The following MIA3 variants were observed in gnomAD, a reference collection of about 807,000 sequenced individuals.
MIA3 encodes the protein transport and Golgi organization protein 1 homolog.
MIA3 carries 90 observed loss-of-function variants against 192.4 expected under a neutral mutation model. The observed-to-expected ratio is 0.47, with a 90% CI of 0.39 to 0.56. The LOEUF is 0.56. MIA3 is among the 20% of genes least tolerant of loss of function. MIA3 has a pLI of 0.00. For synonymous variants in MIA3, 740 were observed against 792.8 expected (o/e 0.93, Z 1.12); for missense variants, 2,123 against 2,269.4 (o/e 0.94, Z 1.31).
At chr1:222,647,783 G>T (rs1025768052) in intron 7 of MIA3, among the ~76,000 whole-genome samples, 1 of 152,074 alleles carries the variant, frequency 6.6e-6, no homozygotes, top group Admixed American at 6.5e-5. Flanking sequence ...TGGGTGAAAT[G>T]GAGCAGAGGA....
rs1348758300 is a variant in MIA3 at position 222,666,755 on chromosome 1, T to G, written c.*1136T>G. The G allele has an allele frequency of 6.6e-6, 1 of 152,122 alleles. No individual in the cohort carries two copies. Among genetic ancestry groups the G allele is most frequent in the Non-Finnish European group, 1.5e-5 (1 of 68,034 alleles). 9.4% of individuals were successfully genotyped at this position (152,122 alleles called of 1,614,324 possible). On this transcript the variant is annotated 3_prime_UTR_variant, in exon 28 of 28. Coordinates refer to ENST00000344922, the MANE Select transcript of MIA3 (RefSeq NM_198551.4). ...ATATTAATTAATATTTAAACGTTGG[T>G]GTTTTTATTTAAAAATCAGTAACTA...
At chr1:222,627,083 A>G (rs1207373999) in intron 3 of MIA3, among the ~76,000 whole-genome samples, 2 of 152,214 alleles carry the variant, frequency 1.3e-5, no homozygotes, top group Non-Finnish European at 2.9e-5. Context: ...TTGGGCAAAT[A>G]GGAGATCAAA....
chr1:222,629,544 T>C lies in MIA3; in HGVS notation c.2324T>C (p.Ile775Thr). 4 of 1,613,768 alleles carry C rather than the reference T, an allele frequency of 2.5e-6. No individual in the cohort carries two copies. Among genetic ancestry groups the C allele is most frequent in the Non-Finnish European group, 8.5e-7 (1 of 1,179,962 alleles). Residue 775 changes from isoleucine to threonine, a missense_variant, in exon 4 of 28, where the codon ATT becomes ACT. Ile to Thr is a moderately conservative substitution (Grantham distance 89). Around this residue, in one of 3 missense-constraint regions of MIA3, gnomAD observed 1,357 missense variants for 1,396.1 expected, o/e 0.97. Transcript: ENST00000344922. ...GGGACCATTCATCCAGATCCAGAAA[T>C]TGAAGAAAGCAAGCAAGAAACTAGT... is the stretch of plus-strand genomic sequence containing the variant. The part of the protein sequence containing the change: ...VLGTIHPDPE[I>T]EESKQETSMI...
intron 6 of MIA3, among the ~76,000 whole-genome samples, chr1:222,639,464 T>G (rs1662762381): frequency 1.3e-5 from 2 of 152,138 alleles, no homozygotes; most frequent in Admixed American, 1.3e-4. Flanking sequence ...GTATCTCTCA[T>G]AAACATTGGT....
At chr1:222,647,223 A>T (rs997846112) in intron 7 of MIA3, among the ~76,000 whole-genome samples, 2 of 152,172 alleles carry the variant, frequency 1.3e-5, no homozygotes, top group Non-Finnish European at 2.9e-5. Flanking sequence ...TGCCTTTCAG[A>T]CTTAAACATG....
intron 10 of MIA3, 25 bp downstream of exon 10, chr1:222,650,736 A>G (rs1663385132): frequency 3.2e-6 from 5 of 1,567,024 alleles, no homozygotes; most frequent in Non-Finnish European, 4.4e-6. Flanking sequence ...TGGGGATTAC[A>G]TTTTAAAACA....
intron 6 of MIA3, chr1:222,644,329 G>GA (rs1663018556): frequency 1.4e-6 from 2 of 1,458,586 alleles, no homozygotes; most frequent in Non-Finnish European, 1.8e-6. Context: ...GGCATAAAGC[G>GA]AAAGTGCAGG....
Position 222,652,229 on chromosome 1 carries a change from T to G in MIA3, c.3983T>G (p.Val1328Gly). The G allele has an allele frequency of 6.2e-7, 1 of 1,610,862 alleles. No homozygotes were observed. The highest frequency in any genetic ancestry group is 1.1e-5 in the South Asian group (1 of 91,004). Residue 1328 changes from valine (V) to glycine (G), a missense_variant and splice_region_variant, in exon 13 of 28, where the codon GTT becomes GGT. Val to Gly is a moderately radical substitution (Grantham distance 109, BLOSUM62 -3). This residue lies in a region of MIA3 where 762 missense variants were observed against 856.4 expected (regional missense o/e 0.89). Transcript: ENST00000344922. ...ISMNASEFSE[V>G]QIALNEAKLS... ...ACTAATAGGAGTGTTTTGCATTAGGTTCAGATTGCACTTAATGAAGCTAAG... is the reference window on the plus strand; with the variant it reads ...ACTAATAGGAGTGTTTTGCATTAGGGTCAGATTGCACTTAATGAAGCTAAG...
chr1:222,642,275 A>G (rs1197590335), intron 6 of MIA3, among the ~76,000 whole-genome samples: 1 of 152,154 alleles, frequency 6.6e-6, no homozygotes. Context: ...ATTGAATGTC[A>G]TATTTCCCTC....
intron 6 of MIA3, among the ~76,000 whole-genome samples, chr1:222,643,558 T>G (rs938762732): frequency 6.6e-6 from 1 of 152,210 alleles, no homozygotes; most frequent in Non-Finnish European, 1.5e-5. Flanking sequence ...ATTTTTTATC[T>G]ACAGATACCA....
At chr1:222,656,558 C>A (rs934320038) in intron 18 of MIA3, among the ~76,000 whole-genome samples, 1 of 152,044 alleles carries the variant, frequency 6.6e-6, no homozygotes, top group Non-Finnish European at 1.5e-5. Flanking sequence ...GAGGTGCCTA[C>A]ATGTAGGGTT....
At position 222,630,331 on chromosome 1, in the gene MIA3, G is replaced by C. The variant is rs773892510; in HGVS notation, c.3111G>C (p.Glu1037Asp). 1.9e-6 allele frequency: 3 copies of C among 1,614,000 alleles called. No individual in the cohort carries two copies. In the Admixed American group the frequency reaches 5.0e-5, roughly 27 times the overall value. The change falls in exon 4 of 28, where the codon GAG (glutamate) becomes GAC (aspartate). Residue 1037 changes from glutamate to aspartate, a missense_variant. Glu to Asp is a conservative substitution (Grantham distance 45, BLOSUM62 2). This residue lies in a region of MIA3 where 1,357 missense variants were observed against 1,396.1 expected (regional missense o/e 0.97). Transcript: ENST00000344922. ...FVRYKHSTAEETATLVMAPPL... is the reference protein window; with the variant it reads ...FVRYKHSTAEDTATLVMAPPL... ...GGTACAAGCACTCCACAGCAGAGGA[G>C]ACAGCCACACTGGTGATGGCACCAC...
intron 6 of MIA3, among the ~76,000 whole-genome samples, chr1:222,636,427 G>A (rs1662626002): frequency 1.3e-5 from 2 of 151,238 alleles, no homozygotes; most frequent in African/African-American, 2.4e-5. Flanking sequence ...CTACACAGGA[G>A]CTGTTTAGAA....
intron 18 of MIA3, among the ~76,000 whole-genome samples, chr1:222,655,118 T>C (rs1663649686): frequency 1.3e-5 from 2 of 152,252 alleles, no homozygotes; most frequent in African/African-American, 2.4e-5. Context: ...TTTCCTTTCT[T>C]TGTGGTCAAT....
Position 222,654,750 on chromosome 1 carries a change from A to T in MIA3, c.4564A>T (p.Ile1522Phe), listed in dbSNP as rs529134844. 4 of 1,614,164 alleles carry T rather than the reference A, an allele frequency of 2.5e-6. No individual in the cohort carries two copies. The African/African-American group carries it at 5.3e-5, about 22-fold the overall frequency. Reference protein sequence around the residue: ...ECKTLRQKVEILNELYQQKEM... With the variant: ...ECKTLRQKVEFLNELYQQKEM... ...CAAAACCTTGAGGCAGAAAGTGGAG[A>T]TTCTGAATGAGCTCTATCAGCAGAA... The change falls in exon 18 of 28, where the codon ATT (isoleucine) becomes TTT (phenylalanine). Residue 1522 changes from isoleucine (I) to phenylalanine (F), a missense_variant. Transcript: ENST00000344922.
At chr1:222,626,418 GT>G (rs1262121122) in intron 3 of MIA3, among the ~76,000 whole-genome samples, 1 of 152,186 alleles carries the variant, frequency 6.6e-6, no homozygotes, top group Non-Finnish European at 1.5e-5. Context: ...GCTCAGAAGT[GT>G]GCATGATGGA....
At chr1:222,659,245 A>C (rs1285652137) in intron 19 of MIA3, 7 of 565,588 alleles carry the variant, frequency 1.2e-5, no homozygotes, top group Non-Finnish European at 2.2e-5. Context: ...GTAATATATC[A>C]ACTCAATCTC....
In MIA3 at chr1:222,651,363, C is replaced by T. The variant is rs1301228058; in HGVS notation, c.3909+460C>T. Among the ~76,000 whole-genome samples, 4 of 151,498 alleles carry T rather than the reference C, an allele frequency of 2.6e-5. No individual in the cohort carries two copies. The South Asian group carries it at 6.3e-4, about 24-fold the overall frequency. On this transcript the variant is annotated intron_variant, in intron 11 of 27. Coordinates refer to ENST00000344922, the MANE Select transcript of MIA3 (RefSeq NM_198551.4). ...TTGAGGTAGTATTGCCAGGTTTCTT[C>T]ACTGTAAAATTACTTTTTTTTTTTT...
chr1:222,665,197 CAA>C (rs879011032), intron 27 of MIA3, 110 bp from the exon 28 acceptor site: 36,212 of 374,392 alleles, frequency 0.097, 1 homozygote, highest in Middle Eastern at 0.13. Flanking sequence ...ACCCTGCCGC[CAA>C]AAAAAAAAAA....
Sources: gnomAD v4.1 joint callset for allele counts (sites outside exome capture counted in the v4.1 genomes callset) on GRCh38, gnomAD v4.1.1 for gene constraint, gnomAD v4.1.1 regional missense constraint, MANE v1.5 for transcripts, NCBI Gene and HGNC (gene_info 2026-07-23, HGNC 2026-07-21) for gene names.